The following DLGAP2 variants were observed in gnomAD, a reference collection of about 807,000 sequenced individuals.
DLGAP2 encodes the protein DLG associated protein 2.
Under a neutral mutation model 100.3 loss-of-function variants are expected in DLGAP2, and 26 were observed. That is an observed-to-expected ratio of 0.26 (90% confidence interval 0.19 to 0.36). The LOEUF (loss-of-function observed/expected upper bound fraction) is 0.36, where lower values mean the gene tolerates loss of function less well. Among genes scored for constraint, DLGAP2 ranks in the 10% least tolerant of loss-of-function variants. The pLI, the probability that DLGAP2 is intolerant of heterozygous loss-of-function variation, is 1.00. For missense variants in DLGAP2, 1,858 were observed against 1,453.2 expected (o/e 1.28, Z -4.53); for synonymous variants, 886 against 630.1 (o/e 1.41, Z -6.08).
At chr8:1,564,213 A>T (rs1039558533) in intron 5 of DLGAP2, among the ~76,000 whole-genome samples, 7 of 152,194 alleles carry the variant, frequency 4.6e-5, no homozygotes, top group Non-Finnish European at 1.0e-4. Flanking sequence ...TTCAAAGCTA[A>T]TGAACCGTGG....
chr8:1,187,482 G>T lies in DLGAP2; in HGVS notation c.74-71369G>T, dbSNP rs1167341053. ...GGGACCTCCGTGACATTTGCCTCAC[G>T]GAATCTCACACACCCGGGACCTCCG... On this transcript the variant is annotated intron_variant, in intron 2 of 14. Coordinates refer to ENST00000637795, the MANE Select transcript of DLGAP2 (RefSeq NM_001346810.2). Among the ~76,000 whole-genome samples, 19 of 130,752 alleles carry T rather than the reference G, an allele frequency of 1.5e-4. 1 individual carries two copies. The highest frequency in any genetic ancestry group is 5.9e-4 in the African/African-American group (18 of 30,280). 85.8% of individuals were successfully genotyped at this position (130,752 alleles called of 152,430 possible).
intron 8 of DLGAP2, among the ~76,000 whole-genome samples, chr8:1,634,110 T>C (rs1440123305): frequency 6.6e-6 from 1 of 152,216 alleles, no homozygotes; most frequent in African/African-American, 2.4e-5. Context: ...AGGAACTGTG[T>C]TCAAACCGTG....
chr8:1,232,948 C>T (rs1023372789), intron 2 of DLGAP2, among the ~76,000 whole-genome samples: 14 of 152,210 alleles, frequency 9.2e-5, no homozygotes, highest in African/African-American at 3.1e-4. Context: ...ACCCCCTGCC[C>T]AGCCCTAGGA....
chr8:1,290,190 C>T (rs751805366), intron 3 of DLGAP2, among the ~76,000 whole-genome samples: 2 of 152,170 alleles, frequency 1.3e-5, no homozygotes, highest in Non-Finnish European at 2.9e-5. Flanking sequence ...CAGATCTAGT[C>T]AGCTAGACTC....
intron 2 of DLGAP2, among the ~76,000 whole-genome samples, chr8:927,524 T>C (rs898020611): frequency 3.3e-5 from 5 of 152,166 alleles, no homozygotes; most frequent in African/African-American, 1.2e-4. Context: ...TCCGCGTGTG[T>C]CCCTCACCCA....
intron 13 of DLGAP2, among the ~76,000 whole-genome samples, chr8:1,694,628 C>G (rs1310620137): frequency 6.6e-6 from 1 of 152,182 alleles, no homozygotes; most frequent in East Asian, 1.9e-4. Context: ...ACCCACTGAG[C>G]CTGCCTCTGA....
intron 2 of DLGAP2, among the ~76,000 whole-genome samples, chr8:1,168,300 G>C (rs1269532476): frequency 6.6e-6 from 1 of 151,718 alleles, no homozygotes; most frequent in South Asian, 2.1e-4. Flanking sequence ...ATTTGGGTTG[G>C]TTCCAAGTCT....
chr8:790,235 G>A (rs778475677), intron 1 of DLGAP2, among the ~76,000 whole-genome samples: 14 of 152,204 alleles, frequency 9.2e-5, no homozygotes, highest in Non-Finnish European at 1.9e-4. Flanking sequence ...GGCAGGGGAT[G>A]TTGTAGAGGC....
At position 1,668,500 on chromosome 8, in the gene DLGAP2, A is replaced by G. The variant is rs374659197; in HGVS notation, c.1982A>G (p.Tyr661Cys). Residue 661 changes from tyrosine (Y) to cysteine (C), a missense_variant, in exon 9 of 15, where the codon TAC becomes TGC. By Grantham distance (194) the Tyr-to-Cys change is radical (BLOSUM62 -2). Transcript: ENST00000637795. ...SPWPQDSRGLYNSTDSLDSNK... is the reference protein window; with the variant it reads ...SPWPQDSRGLCNSTDSLDSNK... The stretch of plus-strand genomic sequence containing the variant: ...TGGCCCCAGGACAGCCGCGGCCTCT[A>G]CAACTCCACGGACAGCCTGGACAGC... 132 of 1,594,056 alleles carry G rather than the reference A, an allele frequency of 8.3e-5. No homozygotes were observed. The highest frequency in any genetic ancestry group is 1.1e-4 in the Non-Finnish European group (128 of 1,171,390).
intron 1 of DLGAP2, among the ~76,000 whole-genome samples, chr8:882,414 T>C (rs4478601): frequency 0.021 from 2,952 of 138,116 alleles, 106 homozygotes; most frequent in African/African-American, 0.041. Context: ...AGGCCTCTCC[T>C]GCGCGCACCC....
At chr8:986,953 C>G (rs886688880) in intron 2 of DLGAP2, among the ~76,000 whole-genome samples, 2 of 152,182 alleles carry the variant, frequency 1.3e-5, no homozygotes, top group Non-Finnish European at 2.9e-5. Context: ...AGCCACCGCA[C>G]CTGGCCCCTT....
intron 3 of DLGAP2, among the ~76,000 whole-genome samples, chr8:1,485,203 T>C (rs1359228426): frequency 6.6e-6 from 1 of 152,242 alleles, no homozygotes; most frequent in East Asian, 1.9e-4. Flanking sequence ...TTTCCTCTCA[T>C]CTTGCCAGAT....
At chr8:1,293,489 G>T (rs1800105214) in intron 3 of DLGAP2, among the ~76,000 whole-genome samples, 1 of 152,230 alleles carries the variant, frequency 6.6e-6, no homozygotes, top group South Asian at 2.1e-4. Context: ...GCTCATCTCA[G>T]TGAGATTAAT....
intron 1 of DLGAP2, among the ~76,000 whole-genome samples, chr8:779,367 T>A (rs1334951040): frequency 6.6e-6 from 1 of 152,116 alleles, no homozygotes; most frequent in Non-Finnish European, 1.5e-5. Flanking sequence ...GCTCCTCCCC[T>A]GTGAATCACT....
intron 1 of DLGAP2, among the ~76,000 whole-genome samples, chr8:832,907 G>C (rs967508344): frequency 2.6e-5 from 4 of 152,176 alleles, no homozygotes; most frequent in African/African-American, 9.7e-5. Context: ...TTCCTCTTGG[G>C]AGTCAGTTCT....
intron 2 of DLGAP2, among the ~76,000 whole-genome samples, chr8:999,238 C>T (rs1343425969): frequency 6.6e-6 from 1 of 151,728 alleles, no homozygotes; most frequent in Non-Finnish European, 1.5e-5. Flanking sequence ...GTTTTGTCTC[C>T]TGCTTGTTTT....
chr8:1,265,459 G>A (rs1481543946), intron 3 of DLGAP2, among the ~76,000 whole-genome samples: 1 of 152,196 alleles, frequency 6.6e-6, no homozygotes, highest in African/African-American at 2.4e-5. Context: ...TTGCGTGGAA[G>A]ATGGCTTGAG....
chr8:1,305,473 G>A (rs1353652723), intron 3 of DLGAP2, among the ~76,000 whole-genome samples: 1 of 152,198 alleles, frequency 6.6e-6, no homozygotes, highest in East Asian at 1.9e-4. Context: ...GTGTCTGTAA[G>A]GTCTTTATTC....
intron 2 of DLGAP2, among the ~76,000 whole-genome samples, chr8:928,669 T>A (rs546484546): frequency 6.6e-6 from 1 of 152,236 alleles, no homozygotes; most frequent in South Asian, 2.1e-4. Context: ...CAGGTCCTCC[T>A]CTGCCCTTTG....
Sources: allele counts gnomAD v4.1 joint callset (sites outside exome capture counted in the v4.1 genomes callset), GRCh38; gene constraint gnomAD v4.1.1; transcripts MANE v1.5; gene names NCBI Gene and HGNC (gene_info 2026-07-23, HGNC 2026-07-21).